The following SSPN variants were observed in gnomAD, a reference collection of about 807,000 sequenced individuals.
The protein encoded by SSPN is sarcospan, also known as K-ras oncogene-associated protein.
A neutral mutation model predicts 19.1 loss-of-function variants in SSPN; 15 were observed. The observed-to-expected ratio is 0.78, with a 90% confidence interval of 0.52 to 1.21. The LOEUF (loss-of-function observed/expected upper bound fraction) is 1.21. Among genes scored for constraint, SSPN ranks in the 50% most tolerant of loss-of-function variants. The pLI, the probability that SSPN is intolerant of heterozygous loss-of-function variation, is 0.00. For synonymous variants in SSPN, 147 were observed against 140.3 expected, an observed-to-expected ratio of 1.05 and a Z score of -0.34; for missense variants, 291 against 314.0, an observed-to-expected ratio of 0.93 and a Z score of 0.55.
intron 1 of SSPN, among the ~76,000 whole-genome samples, chr12:26,131,012 G>A (rs1944394673): frequency 6.6e-6 from 1 of 152,064 alleles, no homozygotes; most frequent in Non-Finnish European, 1.5e-5. Flanking sequence ...TTTTAGTAAA[G>A]GGGAAGTGGA....
At chr12:26,135,734 C>A (rs919873943) in intron 1 of SSPN, among the ~76,000 whole-genome samples, 1 of 152,178 alleles carries the variant, frequency 6.6e-6, no homozygotes, top group African/African-American at 2.4e-5. Context: ...AATCAAACTA[C>A]GTTTGCCAAA....
At chr12:26,148,150 A>T (rs1944503865) in intron 1 of SSPN, among the ~76,000 whole-genome samples, 1 of 152,142 alleles carries the variant, frequency 6.6e-6, no homozygotes, top group Non-Finnish European at 1.5e-5. Flanking sequence ...TAGGGCTCTT[A>T]TTGAGGACCT....
At position 26,195,641 on chromosome 12, in the gene SSPN, G is replaced by GCTGGGCC; in HGVS notation, c.-31_-30insTGGGCCC. ...CTCCAGGGCCCAGGGCGCCGCACAC[G>GCTGGGCC]CACCCACCCACCCACCCAGCCTCGC... On this transcript the variant is annotated 5_prime_UTR_variant, in exon 1 of 3. Transcript: ENST00000242729. 4 of 1,105,398 alleles carry GCTGGGCC rather than the reference G, an allele frequency of 3.6e-6. No homozygotes were observed. Among genetic ancestry groups the GCTGGGCC allele is most frequent in the Non-Finnish European group, 4.6e-6 (4 of 878,116 alleles). 68.5% of individuals were successfully genotyped at this position (1,105,398 alleles called of 1,614,324 possible).
At chr12:26,123,426 C>G (rs1224538108) in intron 1 of SSPN, among the ~76,000 whole-genome samples, 1 of 152,182 alleles carries the variant, frequency 6.6e-6, no homozygotes, top group South Asian at 2.1e-4. Flanking sequence ...AATCCTGATT[C>G]CTCCGAGTTC....
chr12:26,234,609 C>T lies in SSPN; in HGVS notation c.*3533C>T, dbSNP rs533534957. On this transcript the variant is annotated 3_prime_UTR_variant, in exon 3 of 3. Transcript: ENST00000242729. ...TATTATCTCAAATGATTATTATCCCCTTCAAAAATACTGGTCTGTACTTTG... is the reference window on the plus strand; with the variant it reads ...TATTATCTCAAATGATTATTATCCCTTTCAAAAATACTGGTCTGTACTTTG... 6.6e-6 allele frequency: 1 copy of T among 152,330 alleles called. No homozygotes were observed. Among genetic ancestry groups the T allele is most frequent in the East Asian group, 1.9e-4 (1 of 5,196 alleles). The allele number at this position is 152,330 out of a possible 1,614,324, so 9.4% of individuals were successfully genotyped here.
intron 1 of SSPN, among the ~76,000 whole-genome samples, chr12:26,153,704 T>A (rs1944539184): frequency 6.6e-6 from 1 of 152,244 alleles, no homozygotes; most frequent in Non-Finnish European, 1.5e-5. Flanking sequence ...GTGGTGGAAC[T>A]TCTGGACTCT....
chr12:26,232,362 TTCTC>T lies in SSPN; in HGVS notation c.*1290_*1293del. On this transcript the variant is annotated 3_prime_UTR_variant, in exon 3 of 3. Transcript: ENST00000242729. ...CACAAATGCCCCAAGGTGGGGAGAC[TTCTC>T]TCTGTGATTATTGTTGCTATTAAAT... 1 of 983,672 alleles carries T rather than the reference TTCTC, an allele frequency of 1.0e-6. No homozygotes were observed. Among genetic ancestry groups the T allele is most frequent in the Non-Finnish European group, 1.2e-6 (1 of 829,120 alleles). 60.9% of individuals were successfully genotyped at this position (983,672 alleles called of 1,614,324 possible).
chr12:26,211,738 A>G (rs893745538), intron 1 of SSPN: 3 of 152,218 alleles, frequency 2.0e-5, no homozygotes, highest in African/African-American at 7.2e-5. Context: ...GAAACAGGGC[A>G]GTCACTTAAC....
At chr12:26,125,196 G>A (rs1220497779) in intron 1 of SSPN, 1 of 332,636 alleles carries the variant, frequency 3.0e-6, no homozygotes, top group South Asian at 2.7e-5. Flanking sequence ...AGGAGGGGGC[G>A]GGGACACCTG....
intron 1 of SSPN, chr12:26,134,886 G>A (rs1565668720): frequency 3.3e-5 from 5 of 152,304 alleles, no homozygotes; most frequent in Admixed American, 6.5e-5. Flanking sequence ...AGGAAACTCA[G>A]TAGTCTGGCA....
At chr12:26,209,322 T>C (rs566245452) in intron 1 of SSPN, among the ~76,000 whole-genome samples, 18 of 152,270 alleles carry the variant, frequency 1.2e-4, no homozygotes, top group Non-Finnish European at 1.6e-4. Flanking sequence ...AGTTCTTGAA[T>C]GCTTGGGAAA....
intron 1 of SSPN, among the ~76,000 whole-genome samples, chr12:26,188,742 T>G (rs116747407): frequency 0.019 from 2,889 of 152,326 alleles, 93 homozygotes; most frequent in African/African-American, 0.066. Flanking sequence ...TGCACTGTGC[T>G]AGGCACTGTA....
At chr12:26,176,519 T>C (rs180889381) in intron 1 of SSPN, among the ~76,000 whole-genome samples, 1 of 152,232 alleles carries the variant, frequency 6.6e-6, no homozygotes, top group South Asian at 2.1e-4. Flanking sequence ...ACCCTAGACT[T>C]GCTTATGCCT....
intron 1 of SSPN, among the ~76,000 whole-genome samples, chr12:26,198,507 A>G (rs1334678853): frequency 6.6e-6 from 1 of 152,246 alleles, no homozygotes; most frequent in Admixed American, 6.5e-5. Context: ...AATAGTGCCA[A>G]CGAATGGCAT....
At chr12:26,229,229 G>A (rs142839831) in intron 2 of SSPN, among the ~76,000 whole-genome samples, 4 of 150,834 alleles carry the variant, frequency 2.7e-5, no homozygotes, top group Non-Finnish European at 5.9e-5. Flanking sequence ...TAATTAAGAT[G>A]TATTAAGAAA....
upstream of SSPN, among the ~76,000 whole-genome samples, chr12:26,190,905 C>T (rs1944783507): frequency 1.3e-5 from 2 of 152,226 alleles, no homozygotes; most frequent in Admixed American, 1.3e-4. Context: ...TCACCTCTTA[C>T]TCCTTTCGAG....
intron 2 of SSPN, among the ~76,000 whole-genome samples, chr12:26,224,874 A>C (rs547170408): frequency 7.2e-4 from 109 of 152,270 alleles, no homozygotes; most frequent in African/African-American, 2.3e-3. Context: ...GTGGTTTGGC[A>C]AGCGTGTGTG....
At chr12:26,219,541 G>GA (rs1945096868) in intron 1 of SSPN, among the ~76,000 whole-genome samples, 1 of 152,178 alleles carries the variant, frequency 6.6e-6, no homozygotes, top group Non-Finnish European at 1.5e-5. Context: ...TAGCTCACAA[G>GA]AGAGAATGCA....
chr12:26,195,070 C>T (rs1246535561), upstream of SSPN, among the ~76,000 whole-genome samples: 1 of 152,100 alleles, frequency 6.6e-6, no homozygotes, highest in African/African-American at 2.4e-5. Flanking sequence ...TTCAAAAACA[C>T]CTAAATGCGA....
Sources: gnomAD v4.1 joint callset for allele counts (sites outside exome capture counted in the v4.1 genomes callset) on GRCh38, gnomAD v4.1.1 for gene constraint, MANE v1.5 for transcripts, NCBI Gene and HGNC (gene_info 2026-07-23, HGNC 2026-07-21) for gene names.